RANBP17: variants seen among roughly 807,000 people sequenced by gnomAD.
RANBP17 encodes the protein RAN binding protein 17.
A neutral mutation model predicts 141.2 loss-of-function variants in RANBP17; 158 were observed. That is an observed-to-expected ratio of 1.12 (90% CI 0.98 to 1.28). RANBP17 has a LOEUF of 1.28. Among genes scored for constraint, RANBP17 ranks in the 50% most tolerant of loss-of-function variants. RANBP17 has a pLI of 0.00. For missense variants in RANBP17, 1,438 were observed against 1,290.7 expected (o/e 1.11, Z -1.75); for synonymous variants, 430 against 450.0 (o/e 0.96, Z 0.56).
chr5:171,242,070 T>C (rs1764914987), intron 23 of RANBP17, among the ~76,000 whole-genome samples: 1 of 152,002 alleles, frequency 6.6e-6, no homozygotes, highest in Non-Finnish European at 1.5e-5. Context: ...GCAATTCTCC[T>C]GCCTCAGCCT....
intron 14 of RANBP17, among the ~76,000 whole-genome samples, chr5:171,014,265 T>G (rs141627760): frequency 2.6e-5 from 4 of 152,006 alleles, no homozygotes; most frequent in African/African-American, 9.7e-5. Context: ...TCTTTCTTTC[T>G]TTATCCTAGA....
At chr5:170,896,310 T>TA (rs1362376775) in intron 5 of RANBP17, 195 bp downstream of exon 5, 5 of 560,136 alleles carry the variant, frequency 8.9e-6, no homozygotes, top group Non-Finnish European at 1.6e-5. Context: ...TTATTGAAGA[T>TA]ATCTGCAATA....
At chr5:170,894,647 T>A (rs1278204544) in intron 4 of RANBP17, among the ~76,000 whole-genome samples, 1 of 151,944 alleles carries the variant, frequency 6.6e-6, no homozygotes, top group East Asian at 1.9e-4. Context: ...GTTTGTCACA[T>A]CTTTAACAGC....
intron 11 of RANBP17, among the ~76,000 whole-genome samples, chr5:170,924,007 T>TC: frequency 6.6e-6 from 1 of 151,894 alleles, no homozygotes; most frequent in East Asian, 1.9e-4. Flanking sequence ...TTTTTTCTTT[T>TC]TTTTTTTAGA....
chr5:171,137,570 A>T (rs1047100996), intron 14 of RANBP17, among the ~76,000 whole-genome samples: 5 of 69,448 alleles, frequency 7.2e-5, no homozygotes, highest in African/African-American at 1.5e-4. Context: ...TGTTGACTTG[A>T]GATGTGTGTG....
rs752110893 is a variant in RANBP17 at position 171,221,745 on chromosome 5, C to T, written c.2340-13C>T. Reference sequence around the variant, plus strand: ...ATCTTCACATATAGGCAATTTTTTTCTATATTTCTTAGATCCCAGCGTTTG... The same window carrying T: ...ATCTTCACATATAGGCAATTTTTTTTTATATTTCTTAGATCCCAGCGTTTG... On this transcript the variant is annotated splice_polypyrimidine_tract_variant and intron_variant, in intron 21 of 27. Transcript: ENST00000523189. 6.4e-7 allele frequency: 1 copy of T among 1,558,444 alleles called. No homozygotes were observed. The highest frequency in any genetic ancestry group is 8.8e-7 in the Non-Finnish European group (1 of 1,133,886).
intron 14 of RANBP17, among the ~76,000 whole-genome samples, chr5:171,023,268 T>C (rs1380109394): frequency 6.6e-6 from 1 of 152,250 alleles, no homozygotes; most frequent in Non-Finnish European, 1.5e-5. Context: ...TCCTCAATGG[T>C]ATTACAGTAC....
At chr5:171,243,275 A>G (rs527695820) in intron 24 of RANBP17, among the ~76,000 whole-genome samples, 10 of 152,214 alleles carry the variant, frequency 6.6e-5, no homozygotes, top group Non-Finnish European at 1.2e-4. Flanking sequence ...GGAATTGTAT[A>G]ATATGAAGTT....
intron 12 of RANBP17, among the ~76,000 whole-genome samples, chr5:170,935,909 C>A (rs1773831384): frequency 6.6e-6 from 1 of 152,228 alleles, no homozygotes; most frequent in African/African-American, 2.4e-5. Context: ...TCTACAGAGG[C>A]AGGCAGGCCT....
chr5:170,871,579 C>T (rs2112404), intron 1 of RANBP17, among the ~76,000 whole-genome samples: 114,806 of 152,090 alleles, frequency 0.75, 43,552 homozygotes, highest in South Asian at 0.92. Context: ...GGCAATTTCG[C>T]CATAAAATCT....
At chr5:171,153,125 T>C (rs969227243) in intron 14 of RANBP17, among the ~76,000 whole-genome samples, 2 of 152,226 alleles carry the variant, frequency 1.3e-5, no homozygotes, top group Admixed American at 6.5e-5. Context: ...TATCACCTAT[T>C]TTCTCATTGA....
intron 14 of RANBP17, among the ~76,000 whole-genome samples, chr5:171,059,498 G>T (rs1219761741): frequency 6.6e-6 from 1 of 150,884 alleles, no homozygotes. Context: ...ATTTCTGAGG[G>T]CTCTGTTCTG....
chr5:171,250,139 A>G (rs533135270), intron 24 of RANBP17, among the ~76,000 whole-genome samples: 8 of 152,348 alleles, frequency 5.3e-5, no homozygotes, highest in African/African-American at 1.4e-4. Context: ...CTGGCCAAGA[A>G]TACTACATCC....
chr5:171,064,776 C>T (rs1413848985), intron 14 of RANBP17, among the ~76,000 whole-genome samples: 2 of 152,062 alleles, frequency 1.3e-5, no homozygotes, highest in Non-Finnish European at 2.9e-5. Flanking sequence ...CTGCTTCTGC[C>T]TCCCAAAGTA....
At chr5:170,968,604 T>G (rs927682848) in intron 14 of RANBP17, 3 of 584,616 alleles carry the variant, frequency 5.1e-6, no homozygotes, top group Non-Finnish European at 9.5e-6. Flanking sequence ...ATGTTTTACA[T>G]GGATGGTCAT....
At chr5:170,965,313 A>G (rs1442055879) in intron 13 of RANBP17, among the ~76,000 whole-genome samples, 1 of 150,674 alleles carries the variant, frequency 6.6e-6, no homozygotes, top group African/African-American at 2.4e-5. Context: ...TTGTCAGATG[A>G]GTAGGTTGCG....
At chr5:171,047,214 C>T (rs1463054039) in intron 14 of RANBP17, among the ~76,000 whole-genome samples, 3 of 151,800 alleles carry the variant, frequency 2.0e-5, no homozygotes, top group African/African-American at 7.3e-5. Context: ...GATGGGGTTT[C>T]ACCATGTTGG....
chr5:171,286,677 ACTATTAT>A (rs1217855555), intron 25 of RANBP17, among the ~76,000 whole-genome samples: 1 of 152,232 alleles, frequency 6.6e-6, no homozygotes, highest in Non-Finnish European at 1.5e-5. Flanking sequence ...CCTAAAGATA[ACTATTAT>A]CTAATTTGAG....
intron 14 of RANBP17, among the ~76,000 whole-genome samples, chr5:171,076,752 C>T (rs1784948590): frequency 6.6e-6 from 1 of 151,962 alleles, no homozygotes; most frequent in Non-Finnish European, 1.5e-5. Context: ...TAGAGAGTAT[C>T]AGTACTAATA....
Sources: allele counts gnomAD v4.1 joint callset (sites outside exome capture counted in the v4.1 genomes callset), GRCh38; gene constraint gnomAD v4.1.1; transcripts MANE v1.5; gene names NCBI Gene and HGNC (gene_info 2026-07-23, HGNC 2026-07-21).